Variants in CCDC150 observed in about 807,000 individuals in gnomAD.
CCDC150 encodes the protein coiled-coil domain-containing protein 150.
Under a neutral mutation model 156.5 loss-of-function variants are expected in CCDC150, and 151 were observed. The observed-to-expected ratio is 0.97, with a 90% confidence interval of 0.85 to 1.10. The LOEUF is 1.10. Among genes scored for constraint, CCDC150 ranks in the 50% least tolerant of loss-of-function variants. CCDC150 has a pLI of 0.00. For synonymous variants in CCDC150, 452 were observed against 429.4 expected (o/e 1.05, Z -0.65); for missense variants, 1,312 against 1,268.1 (o/e 1.03, Z -0.53).
chr2:196,665,122 G>A (rs914917724), intron 5 of CCDC150, among the ~76,000 whole-genome samples: 1 of 152,064 alleles, frequency 6.6e-6, no homozygotes, highest in African/African-American at 2.4e-5. Flanking sequence ...ACACACTAAG[G>A]TAAGATACTA....
At chr2:196,643,614 G>T (rs1294282681) in intron 1 of CCDC150, among the ~76,000 whole-genome samples, 1 of 152,178 alleles carries the variant, frequency 6.6e-6, no homozygotes, top group African/African-American at 2.4e-5. Context: ...CAAAATATGT[G>T]GGGGAGCTTC....
At position 196,701,174 on chromosome 2, in the gene CCDC150, A is replaced by T; in HGVS notation, c.1689A>T (p.Lys563Asn). 1 of 1,585,806 alleles carries T rather than the reference A, an allele frequency of 6.3e-7. No individual in the cohort carries two copies. ...SKNKLAYENGKLQIKVKQLEE... is the reference protein window; with the variant it reads ...SKNKLAYENGNLQIKVKQLEE... Reference sequence around the variant, plus strand: ...ATAAACTGGCCTATGAAAACGGAAAACTCCAGGTATGAGATTTATTTTCTG... The same window carrying T: ...ATAAACTGGCCTATGAAAACGGAAATCTCCAGGTATGAGATTTATTTTCTG... The change falls in exon 15 of 28, where the codon AAA becomes AAT. Residue 563 changes from lysine to asparagine, a missense_variant. Coordinates refer to ENST00000389175, the MANE Select transcript of CCDC150 (RefSeq NM_001080539.2).
At chr2:196,724,481 T>C (rs780877767) in intron 21 of CCDC150, among the ~76,000 whole-genome samples, 5 of 152,194 alleles carry the variant, frequency 3.3e-5, no homozygotes, top group Non-Finnish European at 7.3e-5. Context: ...GCTCATGATA[T>C]GTTGGGTAAT....
At chr2:196,639,817 G>T (rs766745713) in intron 1 of CCDC150, 39 bp downstream of exon 1, 1 of 1,561,158 alleles carries the variant, frequency 6.4e-7, no homozygotes, top group South Asian at 1.2e-5. Flanking sequence ...GGGGTGGTCG[G>T]AGGCTCGCGA....
At position 196,669,850 on chromosome 2, in the gene CCDC150, A is replaced by C. The variant is rs771552640; in HGVS notation, c.910A>C (p.Ile304Leu). The change falls in exon 8 of 28, where the codon ATT (isoleucine) becomes CTT (leucine). Residue 304 changes from isoleucine (I) to leucine (L), a missense_variant. Transcript: ENST00000389175. ...KSDLTSRDDL[I>L]SKLVEENKNL... Reference sequence around the variant, plus strand: ...GTTTTTAGCTTCTAGAGATGACCTCATTTCCAAGTTGGTTGAAGAAAATAA... The same window carrying C: ...GTTTTTAGCTTCTAGAGATGACCTCCTTTCCAAGTTGGTTGAAGAAAATAA... 2.5e-6 allele frequency: 4 copies of C among 1,611,166 alleles called. No homozygotes were observed. The South Asian group carries it at 4.4e-5, about 18-fold the overall frequency.
chr2:196,729,081 AACTC>A, intron 22 of CCDC150, 108 bp from the exon 23 acceptor site: 1 of 951,808 alleles, frequency 1.1e-6, no homozygotes, highest in South Asian at 1.8e-5. Flanking sequence ...TTGCCTCACT[AACTC>A]TCCTTTTTAA....
At chr2:196,710,014 CTG>C (rs1246941468) in intron 15 of CCDC150, among the ~76,000 whole-genome samples, 2 of 152,244 alleles carry the variant, frequency 1.3e-5, no homozygotes, top group African/African-American at 4.8e-5. Context: ...AGCTCAAACA[CTG>C]TGCTGCGAGA....
intron 2 of CCDC150, among the ~76,000 whole-genome samples, chr2:196,651,282 G>A (rs187454029): frequency 3.9e-5 from 6 of 152,098 alleles, no homozygotes; most frequent in East Asian, 1.9e-4. Flanking sequence ...TATTAGTTTC[G>A]TCTTTTAACC....
At chr2:196,646,089 C>T (rs944433738) in intron 1 of CCDC150, among the ~76,000 whole-genome samples, 3 of 152,102 alleles carry the variant, frequency 2.0e-5, no homozygotes, top group South Asian at 2.1e-4. Context: ...TCATTGTCAC[C>T]GTGGGATCCT....
chr2:196,693,969 A>T (rs549345299), intron 13 of CCDC150, among the ~76,000 whole-genome samples: 2 of 151,874 alleles, frequency 1.3e-5, no homozygotes, highest in South Asian at 4.2e-4. Flanking sequence ...CAAGCTTTGC[A>T]TTACTGAGTT....
chr2:196,725,511 T>C (rs1210631100), intron 21 of CCDC150, among the ~76,000 whole-genome samples: 1 of 152,196 alleles, frequency 6.6e-6, no homozygotes, highest in African/African-American at 2.4e-5. Flanking sequence ...AACAATATTA[T>C]TACAAGTTAA....
chr2:196,672,330 T>C lies in CCDC150; in HGVS notation c.937-15T>C, dbSNP rs752820765. The stretch of plus-strand genomic sequence containing the variant: ...CTCTTATATGTGAAAAAGAGAGTAA[T>C]TTTTTTTCTTATAGAACCTGCAGAT... On this transcript the variant is annotated splice_polypyrimidine_tract_variant and intron_variant, in intron 8 of 27. Transcript: ENST00000389175. The C allele has an allele frequency of 1.1e-5, 15 of 1,395,330 alleles. No individual in the cohort carries two copies. Among genetic ancestry groups the C allele is most frequent in the Non-Finnish European group, 1.2e-5 (13 of 1,043,292 alleles). The allele number at this position is 1,395,330 out of a possible 1,614,324, so 86.4% of individuals were successfully genotyped here.
intron 2 of CCDC150, 26 bp downstream of exon 2, chr2:196,646,530 T>C: frequency 6.3e-7 from 1 of 1,597,966 alleles, no homozygotes; most frequent in Non-Finnish European, 8.6e-7. Context: ...TACATCTCTG[T>C]AGGTTGAAGA....
chr2:196,713,305 G>T, intron 17 of CCDC150: 1 of 1,424,446 alleles, frequency 7.0e-7, no homozygotes, highest in South Asian at 1.7e-5. Flanking sequence ...GCTATTCCTT[G>T]AAAAATAACT....
intron 17 of CCDC150, chr2:196,713,248 C>A (rs1697258056): frequency 3.8e-6 from 5 of 1,315,254 alleles, no homozygotes; most frequent in Admixed American, 3.5e-5. Flanking sequence ...ATATATTTTC[C>A]ATTACGGCTC....
At chr2:196,646,150 G>A (rs887679591) in intron 1 of CCDC150, among the ~76,000 whole-genome samples, 191 bp from the exon 2 acceptor site, 11 of 152,186 alleles carry the variant, frequency 7.2e-5, no homozygotes, top group African/African-American at 2.7e-4. Flanking sequence ...ATAGGGGAGG[G>A]AAAAGAGAGA....
At chr2:196,726,497 G>GATACGGCGACC in intron 22 of CCDC150, 1 of 156,878 alleles carries the variant, frequency 6.4e-6, no homozygotes, top group Admixed American at 6.3e-5. Context: ...TGTGCCAAAT[G>GATACGGCGACC]ACCCTTGTTT....
chr2:196,678,852 T>C (rs1559236615), intron 13 of CCDC150, among the ~76,000 whole-genome samples: 1 of 152,148 alleles, frequency 6.6e-6, no homozygotes, highest in Non-Finnish European at 1.5e-5. Context: ...GTTGCCAAGA[T>C]TGCACCACTG....
In CCDC150 at chr2:196,656,668, T is replaced by A. The variant is rs1237872085; in HGVS notation, c.212T>A (p.Leu71Gln). Residue 71 changes from leucine (L) to glutamine (Q), a missense_variant, in exon 3 of 28, where the codon CTG (leucine) becomes CAG (glutamine). Leu to Gln is a moderately radical substitution (Grantham distance 113, BLOSUM62 -2). Coordinates refer to ENST00000389175, the MANE Select transcript of CCDC150 (RefSeq NM_001080539.2). The part of the protein sequence containing the change: ...YLEAPDCLED[L>Q]DSQKVISPIQ... ...GAAGCTCCAGACTGTTTAGAAGACC[T>A]GGACAGCCAGAAAGTCATTAGTCCT... 6.2e-7 allele frequency: 1 copy of A among 1,612,596 alleles called. No homozygotes were observed. The highest frequency in any genetic ancestry group is 1.7e-5 in the Admixed American group (1 of 59,766).
Sources: allele counts gnomAD v4.1 joint callset (sites outside exome capture counted in the v4.1 genomes callset), GRCh38; gene constraint gnomAD v4.1.1; transcripts MANE v1.5; gene names NCBI Gene and HGNC (gene_info 2026-07-23, HGNC 2026-07-21).